The following FHL5 variants were observed in gnomAD, a reference collection of about 807,000 sequenced individuals.
FHL5 encodes the protein four and a half LIM domains protein 5.
Under a neutral mutation model 32.0 loss-of-function variants are expected in FHL5, and 33 were observed. The ratio of observed to expected loss-of-function variants is 1.03; its 90% confidence interval spans 0.78 to 1.38. The LOEUF is 1.38. FHL5 is among the 40% of genes most tolerant of loss of function. The pLI is 0.00. For synonymous variants in FHL5, 114 were observed against 113.6 expected (o/e 1.00, Z -0.02); for missense variants, 336 against 343.9 (o/e 0.98, Z 0.18).
intron 1 of FHL5, among the ~76,000 whole-genome samples, chr6:96,587,693 A>G (rs890879283): frequency 6.6e-6 from 1 of 152,224 alleles, no homozygotes; most frequent in African/African-American, 2.4e-5. Context: ...TTTAATAACT[A>G]TGAAAATTAG....
intron 4 of FHL5, 143 bp downstream of exon 4, chr6:96,606,214 A>T: frequency 1.7e-6 from 1 of 590,520 alleles, no homozygotes; most frequent in South Asian, 2.9e-5. Context: ...ACATGTCCAA[A>T]CCACTAGTTG....
chr6:96,569,047 A>T (rs1770420883), intron 1 of FHL5, among the ~76,000 whole-genome samples: 1 of 151,416 alleles, frequency 6.6e-6, no homozygotes, highest in African/African-American at 2.4e-5. Flanking sequence ...TGTTTATTTG[A>T]TATCTTTCTA....
At chr6:96,570,333 A>G (rs1770449227) in intron 1 of FHL5, among the ~76,000 whole-genome samples, 1 of 152,038 alleles carries the variant, frequency 6.6e-6, no homozygotes, top group African/African-American at 2.4e-5. Flanking sequence ...AGGTTTCTGT[A>G]GCAAAATTTA....
intron 1 of FHL5, among the ~76,000 whole-genome samples, chr6:96,594,702 C>A (rs1019750855): frequency 6.6e-6 from 1 of 151,874 alleles, no homozygotes; most frequent in African/African-American, 2.4e-5. Flanking sequence ...ATATCTTCTT[C>A]TTTTGTGATG....
At chr6:96,580,857 A>G (rs1201090314) in intron 1 of FHL5, among the ~76,000 whole-genome samples, 1 of 152,196 alleles carries the variant, frequency 6.6e-6, no homozygotes, top group Non-Finnish European at 1.5e-5. Flanking sequence ...TATAGGCTCT[A>G]TTAGATAAAG....
At chr6:96,606,202 C>G (rs751209833) in intron 4 of FHL5, 131 bp downstream of exon 4, 13 of 657,650 alleles carry the variant, frequency 2.0e-5, no homozygotes, top group South Asian at 5.0e-5. Context: ...TTTGGACTTT[C>G]AACATGTCCA....
At chr6:96,584,458 TGTTTGTGTG>T in intron 1 of FHL5, among the ~76,000 whole-genome samples, 1 of 141,274 alleles carries the variant, frequency 7.1e-6, no homozygotes, top group South Asian at 2.2e-4. Flanking sequence ...TGTGTGTGTG[TGTTTGTGTG>T]TGTGTGTGTG....
At chr6:96,606,363 T>A (rs1771281007) in intron 4 of FHL5, among the ~76,000 whole-genome samples, 1 of 152,248 alleles carries the variant, frequency 6.6e-6, no homozygotes, top group Non-Finnish European at 1.5e-5. Context: ...TGTTGTTTTA[T>A]TTTTTTGGGA....
At chr6:96,567,646 GTCT>G (rs1420731910) in intron 1 of FHL5, among the ~76,000 whole-genome samples, 1 of 151,350 alleles carries the variant, frequency 6.6e-6, no homozygotes, top group Non-Finnish European at 1.5e-5. Context: ...CATTTTTTGT[GTCT>G]TCTTCAATTT....
intron 5 of FHL5, among the ~76,000 whole-genome samples, chr6:96,611,582 A>G (rs187646785): frequency 6.6e-6 from 1 of 152,336 alleles, no homozygotes; most frequent in Admixed American, 6.5e-5. Flanking sequence ...TCAGAACTGT[A>G]TATCTACTTT....
In FHL5 at chr6:96,582,824, T is replaced by A. The variant is rs557153195; in HGVS notation, c.-13+19469T>A. Among the ~76,000 whole-genome samples the A allele has an allele frequency of 1.3e-3, 198 of 152,316 alleles. 1 individual carries two copies. Among genetic ancestry groups the A allele is most frequent in the Non-Finnish European group, 2.2e-3 (149 of 68,024 alleles). On this transcript the variant is annotated intron_variant, in intron 1 of 5. Coordinates refer to ENST00000450218, the MANE Select transcript of FHL5 (RefSeq NM_001322466.2). ...TTAAGATTGTTTGTTGAGTTTTTTT[T>A]AAGTAGCATTTGGGAGGGGGAATGG...
intron 1 of FHL5, 110 bp from the exon 2 acceptor site, chr6:96,603,492 G>A: frequency 1.3e-6 from 1 of 792,074 alleles, no homozygotes; most frequent in Non-Finnish European, 2.0e-6. Context: ...TTTTGCTTAA[G>A]AAAATATAAG....
intron 1 of FHL5, among the ~76,000 whole-genome samples, chr6:96,575,708 C>A (rs1305081871): frequency 6.6e-6 from 1 of 152,082 alleles, no homozygotes; most frequent in Non-Finnish European, 1.5e-5. Flanking sequence ...GCACAGAAAC[C>A]AGGGGGAATG....
rs552408665 is a variant in FHL5, at chr6:96,575,063, T to A, written c.-13+11708T>A. The stretch of plus-strand genomic sequence containing the variant: ...TATTTATTGCTTTTGATTTTTTAGC[T>A]GAGCCAAGAGATTATTTTCATTTAA... On this transcript the variant is annotated intron_variant, in intron 1 of 5. Transcript: ENST00000450218. Among the ~76,000 whole-genome samples the A allele has an allele frequency of 9.8e-5, 15 of 152,338 alleles. 1 individual carries two copies. Among genetic ancestry groups the A allele is most frequent in the African/African-American group, 3.6e-4 (15 of 41,580 alleles).
chr6:96,570,587 T>G (rs1367336162), intron 1 of FHL5, among the ~76,000 whole-genome samples: 1 of 152,190 alleles, frequency 6.6e-6, no homozygotes, highest in Non-Finnish European at 1.5e-5. Context: ...TTTCTATACT[T>G]TTTCCTTATC....
At chr6:96,580,045 C>T (rs867417763) in intron 1 of FHL5, among the ~76,000 whole-genome samples, 1 of 152,180 alleles carries the variant, frequency 6.6e-6, no homozygotes, top group Non-Finnish European at 1.5e-5. Context: ...ACTTGGCCCA[C>T]CAGTTCAAAG....
intron 1 of FHL5, among the ~76,000 whole-genome samples, chr6:96,589,962 G>A (rs1770880773): frequency 6.6e-6 from 1 of 152,100 alleles, no homozygotes. Context: ...CTGTCCTTTA[G>A]GTCATGTGTT....
chr6:96,582,695 A>G (rs1356584903), intron 1 of FHL5, among the ~76,000 whole-genome samples: 1 of 152,188 alleles, frequency 6.6e-6, no homozygotes, highest in East Asian at 1.9e-4. Context: ...CTGTGCTTGC[A>G]AATATGTCCC....
upstream of FHL5, chr6:96,562,867 C>T (rs529468122): frequency 1.4e-4 from 21 of 152,170 alleles, no homozygotes; most frequent in African/African-American, 4.6e-4. Flanking sequence ...AAAACAAAGC[C>T]AAAAACAGAT....
Sources: allele counts gnomAD v4.1 joint callset (sites outside exome capture counted in the v4.1 genomes callset), GRCh38; gene constraint gnomAD v4.1.1; transcripts MANE v1.5; gene names NCBI Gene and HGNC (gene_info 2026-07-23, HGNC 2026-07-21).